JDP2: variants seen among roughly 807,000 people sequenced by gnomAD.
JDP2 encodes Jun dimerization protein 2.
In JDP2, 9 loss-of-function variants were observed where a neutral mutation model predicts 17.1. The ratio of observed to expected loss-of-function variants is 0.53; its 90% CI spans 0.32 to 0.92. JDP2 has a LOEUF of 0.92. JDP2 is among the 40% of genes least tolerant of loss of function. The pLI is 0.04. For missense variants in JDP2, 179 were observed against 220.0 expected (o/e 0.81, Z 1.18); for synonymous variants, 107 against 95.6 (o/e 1.12, Z -0.69).
At chr14:75,444,674 G>A (rs1238128070) in intron 2 of JDP2, among the ~76,000 whole-genome samples, 1 of 152,192 alleles carries the variant, frequency 6.6e-6, no homozygotes, top group African/African-American at 2.4e-5. Flanking sequence ...GAGCTTCATC[G>A]CGAAGATTAA....
intron 3 of JDP2, among the ~76,000 whole-genome samples, chr14:75,465,795 G>T (rs1046310927): frequency 1.3e-4 from 20 of 152,178 alleles, no homozygotes; most frequent in African/African-American, 4.6e-4. Context: ...TGCCTTTGCC[G>T]ACCACAGTGT....
chr14:75,435,044 C>T (rs749879248), intron 1 of JDP2, among the ~76,000 whole-genome samples: 1 of 152,242 alleles, frequency 6.6e-6, no homozygotes, highest in Non-Finnish European at 1.5e-5. Flanking sequence ...GGAATCACAG[C>T]GCTGCTGGCC....
At chr14:75,461,643 C>G in intron 3 of JDP2, 113 bp downstream of exon 3, 1 of 809,958 alleles carries the variant, frequency 1.2e-6, no homozygotes, top group East Asian at 2.7e-5. Flanking sequence ...CTGCTGGCAG[C>G]TGCCAAAGCA....
At position 75,432,201 on chromosome 14, in the gene JDP2, C is replaced by T. The variant is rs112432175; in HGVS notation, c.-24+3949C>T. 6.9e-3 allele frequency: 6,203 copies of T among 896,548 alleles called. 51 individuals are homozygous for T. Among genetic ancestry groups the T allele is most frequent in the Middle Eastern group, 0.01 (47 of 4,558 alleles). 55.5% of individuals were successfully genotyped at this position (896,548 alleles called of 1,614,324 possible). A position where few individuals can be genotyped will look rare whatever the true frequency, so the allele number is the denominator to read the frequency against. The stretch of plus-strand genomic sequence containing the variant: ...GGGCCTTCCCCATCATCTTGCTTCT[C>T]GCCTTCTGGATCTCCTCGACTTTTG... On this transcript the variant is annotated intron_variant, in intron 1 of 3. Coordinates refer to ENST00000651602, the MANE Select transcript of JDP2 (RefSeq NM_001135048.2).
intron 2 of JDP2, chr14:75,445,034 TAAG>T (rs1326504276): frequency 1.1e-6 from 1 of 909,172 alleles, no homozygotes; most frequent in Non-Finnish European, 1.3e-6. Context: ...TTAGCAGCCT[TAAG>T]AAGGGCTGTC....
chr14:75,429,806 C>G (rs1884713295), intron 1 of JDP2, among the ~76,000 whole-genome samples: 1 of 152,194 alleles, frequency 6.6e-6, no homozygotes, highest in African/African-American at 2.4e-5. Context: ...CTGTTCCCTT[C>G]TACTTTGGCT....
intron 2 of JDP2, among the ~76,000 whole-genome samples, chr14:75,444,142 G>T (rs1054302795): frequency 1.3e-5 from 2 of 152,126 alleles, no homozygotes; most frequent in Non-Finnish European, 2.9e-5. Context: ...GGGCTCAAGC[G>T]ATCCTCCCAT....
chr14:75,461,632 T>G, intron 3 of JDP2, 102 bp downstream of exon 3: 1 of 890,346 alleles, frequency 1.1e-6, no homozygotes, highest in Non-Finnish European at 1.8e-6. Context: ...TCAATGAGCA[T>G]CTGCTGGCAG....
At chr14:75,454,596 G>A (rs1886016609) in intron 2 of JDP2, among the ~76,000 whole-genome samples, 1 of 152,196 alleles carries the variant, frequency 6.6e-6, no homozygotes, top group South Asian at 2.1e-4. Flanking sequence ...GTTCTCATGG[G>A]AAACTGACAA....
At chr14:75,464,052 G>A (rs901674374) in intron 3 of JDP2, among the ~76,000 whole-genome samples, 1 of 152,216 alleles carries the variant, frequency 6.6e-6, no homozygotes, top group African/African-American at 2.4e-5. Context: ...GCGGCCTTGG[G>A]GTCTGGGAGG....
At chr14:75,432,463 G>T in intron 1 of JDP2, 3 of 883,508 alleles carry the variant, frequency 3.4e-6, no homozygotes, top group Non-Finnish European at 5.3e-6. Context: ...CACTTCTCTT[G>T]TTGAGTCTCA....
intron 2 of JDP2, among the ~76,000 whole-genome samples, chr14:75,448,824 C>A (rs1438950361): frequency 6.6e-6 from 1 of 152,186 alleles, no homozygotes; most frequent in Non-Finnish European, 1.5e-5. Context: ...CTCAGCAGTT[C>A]TGGTCTGATA....
chr14:75,446,033 G>T (rs563237744), intron 2 of JDP2, among the ~76,000 whole-genome samples: 1 of 152,036 alleles, frequency 6.6e-6, no homozygotes, highest in East Asian at 1.9e-4. Flanking sequence ...TATATAAATG[G>T]CAACTAAGCA....
chr14:75,439,887 A>AT (rs1156874299), intron 2 of JDP2, among the ~76,000 whole-genome samples: 1 of 152,090 alleles, frequency 6.6e-6, no homozygotes, highest in African/African-American at 2.4e-5. Flanking sequence ...GAGCAGTTTC[A>AT]TGGGGGCACT....
chr14:75,437,957 A>G lies in JDP2; in HGVS notation c.37A>G (p.Thr13Ala), dbSNP rs3625. 858,213 of 1,610,806 alleles carry G rather than the reference A, an allele frequency of 0.53. 232,131 individuals are homozygous for G. The highest frequency in any genetic ancestry group is 0.76 in the African/African-American group (56,644 of 74,992). Residue 13 changes from threonine (T) to alanine (A), a missense_variant, in exon 2 of 4, where the codon ACA (threonine) becomes GCA (alanine). Transcript: ENST00000651602. ...GCAGATCCCGGACCCTTCGGTGACC[A>G]CAGGCTCCCTGCCAGGGCTTGGCCC... ...PGQIPDPSVT[T>A]GSLPGLGPLT...
At chr14:75,433,289 C>T (rs756581670) in intron 1 of JDP2, among the ~76,000 whole-genome samples, 28 of 135,398 alleles carry the variant, frequency 2.1e-4, no homozygotes, top group Admixed American at 3.0e-4. Flanking sequence ...TGGCAAAAAC[C>T]GTGATTACTT....
rs1457487498 is a variant in JDP2 at position 75,430,054 on chromosome 14, C to T, written c.-24+1802C>T. On this transcript the variant is annotated intron_variant, in intron 1 of 3. Transcript: ENST00000651602. This position sits in a 1 kb window ranked among gnomAD's most constrained non-coding sequence, Gnocchi z 4.5. ...CTAGGAAGGGTTTGGATAAGGGTCT[C>T]CCCACTCATCCACTGCCTAACTTTT... 6.6e-6 allele frequency among the ~76,000 whole-genome samples: 1 copy of T among 152,168 alleles called. No homozygotes were observed. Among genetic ancestry groups the T allele is most frequent in the Non-Finnish European group, 1.5e-5 (1 of 68,014 alleles).
intron 1 of JDP2, among the ~76,000 whole-genome samples, chr14:75,431,905 C>G (rs1884815129): frequency 6.6e-6 from 1 of 152,256 alleles, no homozygotes; most frequent in South Asian, 2.1e-4. Context: ...GTTCCAGGTA[C>G]TTTCCAAGTA....
intron 1 of JDP2, among the ~76,000 whole-genome samples, chr14:75,436,078 A>T (rs186305359): frequency 9.8e-4 from 149 of 152,332 alleles, no homozygotes; most frequent in Non-Finnish European, 1.5e-3. Context: ...TTTTTCTCTT[A>T]GAGAAATAGA....
Sources: gnomAD v4.1 joint callset for allele counts (sites outside exome capture counted in the v4.1 genomes callset) on GRCh38, gnomAD v4.1.1 for gene constraint, Gnocchi (gnomAD v3.1) non-coding constraint, MANE v1.5 for transcripts, NCBI Gene and HGNC (gene_info 2026-07-23, HGNC 2026-07-21) for gene names.